Variants in TP53I3 observed in about 807,000 individuals in gnomAD.
TP53I3 encodes tumor protein p53 inducible protein 3.
In TP53I3, 32 loss-of-function variants were observed where a neutral mutation model predicts 27.7. The ratio of observed to expected loss-of-function variants is 1.16; its 90% CI spans 0.87 to 1.55. TP53I3 has a LOEUF of 1.55. TP53I3 is among the 40% of genes most tolerant of loss of function. The pLI, the probability that TP53I3 is intolerant of heterozygous loss-of-function variation, is 0.00. For synonymous variants in TP53I3, 138 were observed against 167.8 expected, an observed-to-expected ratio of 0.82 and a Z score of 1.37; for missense variants, 372 against 412.3, an observed-to-expected ratio of 0.90 and a Z score of 0.85.
Position 24,080,120 on chromosome 2 carries a change from G to A in TP53I3, c.620-480C>T, listed in dbSNP as rs1664934308. ...GCCTGTAATCCCAGTACTTTGGGAG[G>A]CTGAGGCAGGTGGATCACCTGAGGT... On this transcript the variant is annotated intron_variant, in intron 3 of 4. Transcript: ENST00000238721. The surrounding 1 kb of genome is among the most constrained non-coding windows in gnomAD (Gnocchi z 4.7). Among the ~76,000 whole-genome samples, 1 of 152,164 alleles carries A rather than the reference G, an allele frequency of 6.6e-6. No homozygotes were observed. The highest frequency in any genetic ancestry group is 2.1e-4 in the South Asian group (1 of 4,826).
chr2:24,080,701 G>C lies in TP53I3; in HGVS notation c.619+118C>G. On this transcript the variant is annotated intron_variant, in intron 3 of 4. Transcript: ENST00000238721. This position sits in a 1 kb window ranked among gnomAD's most constrained non-coding sequence, Gnocchi z 4.7. ...ATAGTACTAGAATTTGGCCAGGGCA[G>C]CTGTTGTGCACTTAGCAGAGGTAAG... 1 of 1,233,404 alleles carries C rather than the reference G, an allele frequency of 8.1e-7. No individual in the cohort carries two copies. Among genetic ancestry groups the C allele is most frequent in the Non-Finnish European group, 1.2e-6 (1 of 859,610 alleles). The allele number at this position is 1,233,404 out of a possible 1,614,324, so 76.4% of individuals were successfully genotyped here.
In TP53I3 at chr2:24,083,153, C is replaced by G; in HGVS notation, c.139-1G>C. ...GAGGTGGGTCATACTGGCCTTGTCT[C>G]TGCAGAGAAAGAAGTGCACTAAGTG... On this transcript the variant is annotated splice_acceptor_variant, in intron 1 of 4. Coordinates refer to ENST00000238721, the MANE Select transcript of TP53I3 (RefSeq NM_004881.5). LOFTEE classifies it high-confidence loss of function. The G allele has an allele frequency of 2.5e-6, 4 of 1,601,328 alleles. No individual in the cohort carries two copies. Among genetic ancestry groups the G allele is most frequent in the Non-Finnish European group, 3.4e-6 (4 of 1,171,222 alleles).
chr2:24,084,230 T>A lies in TP53I3; in HGVS notation c.97A>T (p.Lys33Ter). 1.2e-6 allele frequency: 2 copies of A among 1,613,970 alleles called. No homozygotes were observed. Among genetic ancestry groups the A allele is most frequent in the Non-Finnish European group, 1.7e-6 (2 of 1,179,962 alleles). ...PSPGEGEVLL[K>*]VAASALNRAD... is the part of the protein sequence containing the mutation. The stretch of plus-strand genomic sequence containing the variant: ...CGGTTCAGGGCGCTGGCCGCCACCT[T>A]CAGGAGGACTTCACCCTCCCCCGGG... The change falls in exon 1 of 5, where the codon AAG (lysine) becomes TAG (stop). Residue 33 changes from lysine to a stop codon, truncating the protein, a stop_gained. Transcript: ENST00000238721. LOFTEE classifies it high-confidence loss of function. The surrounding 1 kb of genome is among the most constrained non-coding windows in gnomAD (Gnocchi z 8.4).
rs1391756153 is a variant in TP53I3, at chr2:24,080,228, G to A, written c.620-588C>T. On this transcript the variant is annotated intron_variant, in intron 3 of 4. Transcript: ENST00000238721. This position sits in a 1 kb window ranked among gnomAD's most constrained non-coding sequence, Gnocchi z 4.7. ...AAAAATTAGCTGGGCGTGGTGGTGC[G>A]CCTGTGATCTCAGCTACTCAGGAGG... 1.3e-5 allele frequency among the ~76,000 whole-genome samples: 2 copies of A among 151,910 alleles called. No individual in the cohort carries two copies. The highest frequency in any genetic ancestry group is 4.8e-5 in the African/African-American group (2 of 41,336).
At chr2:24,081,667 G>A (rs1475768548) in intron 2 of TP53I3, among the ~76,000 whole-genome samples, 3 of 150,670 alleles carry the variant, frequency 2.0e-5, no homozygotes, top group Non-Finnish European at 2.9e-5. Flanking sequence ...ACTGAGTGCA[G>A]TGGCTGGTCT....
At position 24,084,436 on chromosome 2, in the gene TP53I3, C is replaced by T. The variant is rs973572318; in HGVS notation, c.-110G>A. ...CAGGGCAGGGGCCGCTGTATCCTCG[C>T]GGAGCAGCCCAGCCTCAGGCTGGCA... On this transcript the variant is annotated 5_prime_UTR_variant, in exon 1 of 5. Coordinates refer to ENST00000238721, the MANE Select transcript of TP53I3 (RefSeq NM_004881.5). The surrounding 1 kb of genome is among the most constrained non-coding windows in gnomAD (Gnocchi z 8.4). 6.7e-6 allele frequency: 9 copies of T among 1,343,456 alleles called. No homozygotes were observed. The highest frequency in any genetic ancestry group is 2.8e-5 in the Admixed American group (1 of 35,174). 83.2% of individuals were successfully genotyped at this position (1,343,456 alleles called of 1,614,324 possible). A position where few individuals can be genotyped will look rare whatever the true frequency, so the allele number is the denominator to read the frequency against.
In TP53I3 at chr2:24,080,002, C is replaced by A. The variant is rs1038115503; in HGVS notation, c.620-362G>T. ...TCACATAGAAGTTAGGAAGTGTCCG[C>A]ACTAGGTTATTGGAATCATAGGCTT... On this transcript the variant is annotated intron_variant, in intron 3 of 4. Coordinates refer to ENST00000238721, the MANE Select transcript of TP53I3 (RefSeq NM_004881.5). This position sits in a 1 kb window ranked among gnomAD's most constrained non-coding sequence, Gnocchi z 4.7. Among the ~76,000 whole-genome samples, 8 of 152,136 alleles carry A rather than the reference C, an allele frequency of 5.3e-5. No individual in the cohort carries two copies. The highest frequency in any genetic ancestry group is 1.9e-4 in the African/African-American group (8 of 41,428).
chr2:24,083,288 A>G lies in TP53I3; in HGVS notation c.139-136T>C, dbSNP rs564534130. Reference sequence around the variant, plus strand: ...GAATGAAGTCAGGTTTTTGTAAGTAAGGAGAAGAAAAAGGAGAGGCCATTA... The same window carrying G: ...GAATGAAGTCAGGTTTTTGTAAGTAGGGAGAAGAAAAAGGAGAGGCCATTA... On this transcript the variant is annotated intron_variant, in intron 1 of 4. Coordinates refer to ENST00000238721, the MANE Select transcript of TP53I3 (RefSeq NM_004881.5). The G allele has an allele frequency of 1.7e-5, 20 of 1,181,960 alleles. No individual in the cohort carries two copies. The African/African-American group carries it at 2.8e-4, about 16-fold the overall frequency. The allele number at this position is 1,181,960 out of a possible 1,614,324, so 73.2% of individuals were successfully genotyped here. A position where few individuals can be genotyped will look rare whatever the true frequency, so the allele number is the denominator to read the frequency against.
In TP53I3 at chr2:24,077,879, A is replaced by T; in HGVS notation, c.817-118T>A. ...CGTATCTGAAAAAGCACACAGGGAC[A>T]CTTAACCCCTCACTTCCTAGCATGT... On this transcript the variant is annotated intron_variant, in intron 4 of 4. Transcript: ENST00000238721. This position sits in a 1 kb window ranked among gnomAD's most constrained non-coding sequence, Gnocchi z 5.5. 2 of 1,079,094 alleles carry T rather than the reference A, an allele frequency of 1.9e-6. No homozygotes were observed. The highest frequency in any genetic ancestry group is 4.8e-5 in the Admixed American group (2 of 41,446). 66.8% of individuals were successfully genotyped at this position (1,079,094 alleles called of 1,614,324 possible).
At position 24,079,431 on chromosome 2, in the gene TP53I3, A is replaced by T. The variant is rs1387990092; in HGVS notation, c.816+13T>A. On this transcript the variant is annotated intron_variant, in intron 4 of 4. Transcript: ENST00000238721. ...GGGTTAAATCACATGTTTTCTTTTC[A>T]TTCATCACTCACCTTATTGTCCCTA... 6.2e-7 allele frequency: 1 copy of T among 1,612,162 alleles called. No homozygotes were observed. The highest frequency in any genetic ancestry group is 1.7e-5 in the Admixed American group (1 of 59,658).
At chr2:24,079,306 C>T in intron 4 of TP53I3, 138 bp downstream of exon 4, 2 of 899,908 alleles carry the variant, frequency 2.2e-6, no homozygotes, top group Non-Finnish European at 1.7e-6. Context: ...CGGGTTCCCT[C>T]TTTATCTTCA....
At chr2:24,078,745 G>T (rs1664867899) in intron 4 of TP53I3, among the ~76,000 whole-genome samples, 1 of 152,190 alleles carries the variant, frequency 6.6e-6, no homozygotes, top group South Asian at 2.1e-4. Context: ...CCACAGATAG[G>T]ACTCATATAG....
At position 24,080,803 on chromosome 2, in the gene TP53I3, A is replaced by G; in HGVS notation, c.619+16T>C. ...ATCTCTTAAATTCCTGCTGAACTGT[A>G]GAAGCAGTTGTTTACCTTTGGTGAA... On this transcript the variant is annotated intron_variant, in intron 3 of 4. Transcript: ENST00000238721. The surrounding 1 kb of genome is among the most constrained non-coding windows in gnomAD (Gnocchi z 4.7). The G allele has an allele frequency of 1.2e-6, 2 of 1,613,760 alleles. No individual in the cohort carries two copies. Among genetic ancestry groups the G allele is most frequent in the East Asian group, 2.2e-5 (1 of 44,894 alleles).
intron 3 of TP53I3, among the ~76,000 whole-genome samples, chr2:24,079,882 C>T (rs1664923842): frequency 6.6e-6 from 1 of 152,202 alleles, no homozygotes; most frequent in African/African-American, 2.4e-5. Flanking sequence ...GCACCATGAC[C>T]TAGCGTCTCC....
intron 1 of TP53I3, among the ~76,000 whole-genome samples, chr2:24,083,466 G>A (rs1665105577): frequency 1.3e-5 from 2 of 152,106 alleles, no homozygotes; most frequent in Non-Finnish European, 2.9e-5. Context: ...GAACCTTGAC[G>A]ATGGTTCCCA....
chr2:24,082,849 C>A, intron 2 of TP53I3, 36 bp downstream of exon 2: 2 of 1,563,014 alleles, frequency 1.3e-6, no homozygotes, highest in Admixed American at 1.8e-5. Context: ...AGGTGTTGAG[C>A]CACATTGTGT....
Position 24,083,148 on chromosome 2 carries a change from T to A in TP53I3, c.143A>T (p.Gln48Leu). ...ALNRADLMQRQGQYDPPPGAS... is the reference protein window; with the variant it reads ...ALNRADLMQRLGQYDPPPGAS... ...TCCTGGAGGTGGGTCATACTGGCCT[T>A]GTCTCTGCAGAGAAAGAAGTGCACT... is the stretch of plus-strand genomic sequence containing the variant. The change falls in exon 2 of 5, where the codon CAA becomes CTA. Residue 48 changes from glutamine (Q) to leucine (L), a missense_variant. Coordinates refer to ENST00000238721, the MANE Select transcript of TP53I3 (RefSeq NM_004881.5). 1 of 1,605,866 alleles carries A rather than the reference T, an allele frequency of 6.2e-7. No individual in the cohort carries two copies. The highest frequency in any genetic ancestry group is 8.5e-7 in the Non-Finnish European group (1 of 1,174,310).
At chr2:24,082,792 G>A (rs548107750) in intron 2 of TP53I3, 93 bp downstream of exon 2, 2 of 1,453,324 alleles carry the variant, frequency 1.4e-6, no homozygotes, top group African/African-American at 1.4e-5. Context: ...AGGAAGGCCT[G>A]GGAGTGCCCT....
chr2:24,079,447 A>C lies in TP53I3; in HGVS notation c.813T>G (p.Asn271Lys), dbSNP rs140931460. 300 of 1,613,822 alleles carry C rather than the reference A, an allele frequency of 1.9e-4. No individual in the cohort carries two copies. In the African/African-American group the frequency reaches 3.6e-3, roughly 19 times the overall value. ...LITSLLRSRDNKYKQMLVNAF... is the reference protein window; with the variant it reads ...LITSLLRSRDKKYKQMLVNAF... ...TTTCTTTTCATTCATCACTCACCTTATTGTCCCTAGACCTCAGCAAACTGG... is the reference window on the plus strand; with the variant it reads ...TTTCTTTTCATTCATCACTCACCTTCTTGTCCCTAGACCTCAGCAAACTGG... Residue 271 changes from asparagine (N) to lysine (K), a missense_variant, in exon 4 of 5, where the codon AAT becomes AAG. Asn to Lys is a moderately conservative substitution (Grantham distance 94, BLOSUM62 0). Transcript: ENST00000238721.
Sources: allele counts gnomAD v4.1 joint callset (sites outside exome capture counted in the v4.1 genomes callset), GRCh38; gene constraint gnomAD v4.1.1; non-coding constraint Gnocchi (gnomAD v3.1); transcripts MANE v1.5; gene names NCBI Gene and HGNC (gene_info 2026-07-23, HGNC 2026-07-21).